Variants in CCDC13 observed in about 807,000 individuals in gnomAD.
The protein encoded by CCDC13 is coiled-coil domain-containing protein 13.
Under a neutral mutation model 87.3 loss-of-function variants are expected in CCDC13, and 70 were observed. That is an observed-to-expected ratio of 0.80 (90% CI 0.66 to 0.98). The LOEUF is 0.98. CCDC13 is among the 50% of genes least tolerant of loss of function. The probability of loss-of-function intolerance (pLI) is 0.00; values close to 1 mark genes in which losing one functional copy is unlikely to be tolerated. For missense variants in CCDC13, 842 were observed against 892.0 expected, an observed-to-expected ratio of 0.94 and a Z score of 0.71; for synonymous variants, 317 against 360.3, an observed-to-expected ratio of 0.88 and a Z score of 1.36.
chr3:42,743,464 C>G (rs55780632), intron 7 of CCDC13, among the ~76,000 whole-genome samples: 5,432 of 147,654 alleles, frequency 0.037, 275 homozygotes, highest in East Asian at 0.18. Context: ...GTTGCCCCGA[C>G]TGGAGTGCAG....
Position 42,730,603 on chromosome 3 carries a change from G to GGAGGGCA in CCDC13, c.1596-21_1596-15dup. On this transcript the variant is annotated splice_polypyrimidine_tract_variant and intron_variant, in intron 12 of 15. Coordinates refer to ENST00000310232, the MANE Select transcript of CCDC13 (RefSeq NM_144719.4). ...GAGTCCGAGAACCTGGGACCAGGGTGGAGGGCAGAGGGCAGAGGTCATCCG... is the reference window on the plus strand; with the variant it reads ...GAGTCCGAGAACCTGGGACCAGGGTGGAGGGCAGAGGGCAGAGGGCAGAGGTCATCCG... 2 of 1,613,440 alleles carry GGAGGGCA rather than the reference G, an allele frequency of 1.2e-6. No homozygotes were observed. Among genetic ancestry groups the GGAGGGCA allele is most frequent in the Non-Finnish European group, 1.7e-6 (2 of 1,179,496 alleles).
At chr3:42,733,921 T>C (rs559674244) in intron 10 of CCDC13, among the ~76,000 whole-genome samples, 1 of 152,170 alleles carries the variant, frequency 6.6e-6, no homozygotes, top group Admixed American at 6.5e-5. Flanking sequence ...CGTCTCTGAG[T>C]GGGTCCGCTT....
At chr3:42,748,346 C>A (rs543372848) in intron 5 of CCDC13, among the ~76,000 whole-genome samples, 1 of 152,340 alleles carries the variant, frequency 6.6e-6, no homozygotes, top group Admixed American at 6.5e-5. Flanking sequence ...CCCTGGCTGA[C>A]TCTTCCAATT....
intron 3 of CCDC13, among the ~76,000 whole-genome samples, chr3:42,753,858 C>A: frequency 6.6e-6 from 1 of 152,162 alleles, no homozygotes; most frequent in East Asian, 1.9e-4. Flanking sequence ...AGCTGGAAGG[C>A]TACTTGCAGT....
chr3:42,753,927 G>A (rs1424345564), intron 3 of CCDC13, among the ~76,000 whole-genome samples: 1 of 152,158 alleles, frequency 6.6e-6, no homozygotes, highest in Non-Finnish European at 1.5e-5. Context: ...AAGTTGTATG[G>A]TATGGGAGCT....
At chr3:42,767,521 A>G (rs188949290) in intron 1 of CCDC13, among the ~76,000 whole-genome samples, 25 of 152,384 alleles carry the variant, frequency 1.6e-4, no homozygotes, top group Admixed American at 2.6e-4. Context: ...AACTTGATCT[A>G]TAGATTCAAT....
chr3:42,739,568 T>C (rs912267174), intron 9 of CCDC13, 66 bp downstream of exon 9: 2 of 1,539,376 alleles, frequency 1.3e-6, no homozygotes, highest in Non-Finnish European at 1.8e-6. Context: ...ACTCTGGCCA[T>C]GGCTGGGGCC....
intron 5 of CCDC13, among the ~76,000 whole-genome samples, chr3:42,749,601 G>A (rs1289310724): frequency 6.6e-6 from 1 of 152,210 alleles, no homozygotes; most frequent in Non-Finnish European, 1.5e-5. Context: ...ATGGTGTTCT[G>A]GAGAGGGCTG....
chr3:42,746,664 A>G (rs984806666), intron 6 of CCDC13: 3 of 172,360 alleles, frequency 1.7e-5, no homozygotes, highest in African/African-American at 4.8e-5. Flanking sequence ...TTTCCACAAT[A>G]GAACACTGTT....
chr3:42,707,570 G>A lies in CCDC13; in HGVS notation c.*1410C>T, dbSNP rs1053664495. 2.6e-5 allele frequency among the ~76,000 whole-genome samples: 4 copies of A among 152,188 alleles called. No individual in the cohort carries two copies. The highest frequency in any genetic ancestry group is 4.4e-5 in the Non-Finnish European group (3 of 68,030). ...CAAGGAAGGAGCTGACAAGATGCTC[G>A]CAGGAGCCCCAGTGGCTTTTCCTGG... On this transcript the variant is annotated 3_prime_UTR_variant, in exon 16 of 16. Coordinates refer to ENST00000310232, the MANE Select transcript of CCDC13 (RefSeq NM_144719.4).
At position 42,743,600 on chromosome 3, in the gene CCDC13, T is replaced by TATATATATATATATATAC; in HGVS notation, c.826-544_826-543insGTATATATATATATATAT. Reference sequence around the variant, plus strand: ...GCCTGGATAATTTTATATATATATATACACACACACATATATATATACACA... The same window carrying TATATATATATATATATAC: ...GCCTGGATAATTTTATATATATATATATATATATATATATATACACACACACACATATATATATACACA... On this transcript the variant is annotated intron_variant, in intron 7 of 15. Coordinates refer to ENST00000310232, the MANE Select transcript of CCDC13 (RefSeq NM_144719.4). 4.0e-3 allele frequency among the ~76,000 whole-genome samples: 504 copies of TATATATATATATATATAC among 125,784 alleles called. 17 individuals are homozygous for TATATATATATATATATAC. Among genetic ancestry groups the TATATATATATATATATAC allele is most frequent in the African/African-American group, 0.017 (468 of 27,856 alleles). The allele number at this position is 125,784 out of a possible 152,430, so 82.5% of individuals were successfully genotyped here. A position where few individuals can be genotyped will look rare whatever the true frequency, so the allele number is the denominator to read the frequency against.
At chr3:42,769,429 T>C (rs959895447) in intron 1 of CCDC13, among the ~76,000 whole-genome samples, 1 of 152,210 alleles carries the variant, frequency 6.6e-6, no homozygotes, top group African/African-American at 2.4e-5. Context: ...GGGTAGTCTT[T>C]TTCAAAGCTA....
At chr3:42,750,072 T>C (rs1389391635) in intron 5 of CCDC13, 5 of 381,232 alleles carry the variant, frequency 1.3e-5, no homozygotes, top group Non-Finnish European at 2.1e-5. Flanking sequence ...TCTCAGAACC[T>C]GGAACCTCCC....
At chr3:42,754,367 A>G (rs1353728381) in intron 3 of CCDC13, among the ~76,000 whole-genome samples, 1 of 152,140 alleles carries the variant, frequency 6.6e-6, no homozygotes, top group African/African-American at 2.4e-5. Context: ...GCCCTGGAGT[A>G]TCTAGAGGGA....
chr3:42,745,823 G>C, intron 7 of CCDC13, 100 bp downstream of exon 7: 1 of 853,680 alleles, frequency 1.2e-6, no homozygotes, highest in Non-Finnish European at 1.9e-6. Flanking sequence ...GGCCTTTTTT[G>C]GGTACTGTGT....
At chr3:42,771,244 T>C (rs902784487) in intron 1 of CCDC13, among the ~76,000 whole-genome samples, 2 of 152,172 alleles carry the variant, frequency 1.3e-5, no homozygotes, top group Non-Finnish European at 2.9e-5. Context: ...CTGTATAATA[T>C]TCTGAAAAAG....
At chr3:42,759,166 G>T (rs931024028) in intron 1 of CCDC13, among the ~76,000 whole-genome samples, 7 of 151,974 alleles carry the variant, frequency 4.6e-5, no homozygotes, top group African/African-American at 1.7e-4. Context: ...ACAAAAAATT[G>T]GTTGTGGTGG....
chr3:42,745,770 A>C, intron 7 of CCDC13, 153 bp downstream of exon 7: 2 of 529,434 alleles, frequency 3.8e-6, no homozygotes, highest in East Asian at 5.6e-5. Context: ...GTTGGCGAGA[A>C]GGTAAAACAA....
intron 11 of CCDC13, 112 bp from the exon 12 acceptor site, chr3:42,733,082 T>G: frequency 1.2e-6 from 1 of 822,566 alleles, no homozygotes; most frequent in Non-Finnish European, 1.9e-6. Context: ...AGGAAACCCT[T>G]GCAGCAGTCC....
Sources: allele counts gnomAD v4.1 joint callset (sites outside exome capture counted in the v4.1 genomes callset), GRCh38; gene constraint gnomAD v4.1.1; transcripts MANE v1.5; gene names NCBI Gene and HGNC (gene_info 2026-07-23, HGNC 2026-07-21).